ZBTB7C: variants seen among roughly 807,000 people sequenced by gnomAD.
ZBTB7C encodes the protein zinc finger and BTB domain-containing protein 7C.
ZBTB7C carries 8 observed loss-of-function variants against 25.7 expected under a neutral mutation model. The ratio of observed to expected loss-of-function variants is 0.31; its 90% CI spans 0.18 to 0.56. The LOEUF (loss-of-function observed/expected upper bound fraction) is 0.56, where lower values mean the gene tolerates loss of function less well. Among genes scored for constraint, ZBTB7C ranks in the 20% least tolerant of loss-of-function variants. The pLI is 0.91. For missense variants in ZBTB7C, 824 were observed against 855.2 expected, an observed-to-expected ratio of 0.96 and a Z score of 0.46; for synonymous variants, 394 against 369.0, an observed-to-expected ratio of 1.07 and a Z score of -0.78.
intron 3 of ZBTB7C, among the ~76,000 whole-genome samples, chr18:48,089,832 A>G (rs2038343323): frequency 6.6e-6 from 1 of 152,240 alleles, no homozygotes; most frequent in Non-Finnish European, 1.5e-5. Context: ...GCTGTGGCTT[A>G]ATTAATCAGA....
intron 2 of ZBTB7C, among the ~76,000 whole-genome samples, chr18:48,229,329 A>G (rs566229217): frequency 7.6e-4 from 115 of 152,280 alleles, no homozygotes; most frequent in Admixed American, 1.4e-3. Context: ...CCCAAGATTT[A>G]CCTTGATGGA....
At chr18:48,126,858 C>T (rs1176825562) in intron 3 of ZBTB7C, among the ~76,000 whole-genome samples, 1 of 152,098 alleles carries the variant, frequency 6.6e-6, no homozygotes, top group Non-Finnish European at 1.5e-5. Flanking sequence ...ACCTTTCCGC[C>T]TGGGCCCAGG....
chr18:48,393,022 T>C (rs1400353460), intron 1 of ZBTB7C, among the ~76,000 whole-genome samples: 2 of 152,250 alleles, frequency 1.3e-5, no homozygotes, highest in Non-Finnish European at 2.9e-5. Flanking sequence ...GAAATTCGCT[T>C]CAGCACTGTC....
chr18:48,151,055 A>T (rs571908760), intron 3 of ZBTB7C, among the ~76,000 whole-genome samples: 2 of 152,322 alleles, frequency 1.3e-5, no homozygotes, highest in South Asian at 4.2e-4. Context: ...GCCGATATGG[A>T]AGAAGCAGTG....
At chr18:48,387,560 C>T (rs2047777698) in intron 1 of ZBTB7C, among the ~76,000 whole-genome samples, 1 of 152,198 alleles carries the variant, frequency 6.6e-6, no homozygotes, top group Non-Finnish European at 1.5e-5. Flanking sequence ...AGTTGCAAAA[C>T]AGATGAATTT....
chr18:48,064,584 T>C (rs2037249089), intron 3 of ZBTB7C, among the ~76,000 whole-genome samples: 2 of 151,888 alleles, frequency 1.3e-5, no homozygotes, highest in South Asian at 2.1e-4. Context: ...TTCTACAAAA[T>C]ATACAAAAAT....
chr18:48,341,686 G>A (rs1350058022), intron 1 of ZBTB7C, among the ~76,000 whole-genome samples: 1 of 152,212 alleles, frequency 6.6e-6, no homozygotes, highest in African/African-American at 2.4e-5. Flanking sequence ...TTACCTTAGA[G>A]GCCTACTATT....
At chr18:48,166,953 G>A (rs768554246) in intron 3 of ZBTB7C, among the ~76,000 whole-genome samples, 2 of 152,054 alleles carry the variant, frequency 1.3e-5, no homozygotes, top group Non-Finnish European at 2.9e-5. Context: ...CCCAGGAAGA[G>A]GCCTCTTCCT....
At chr18:48,193,894 C>A (rs2042258109) in intron 2 of ZBTB7C, among the ~76,000 whole-genome samples, 1 of 152,200 alleles carries the variant, frequency 6.6e-6, no homozygotes, top group African/African-American at 2.4e-5. Flanking sequence ...CTACTCCCTG[C>A]CACCTAGCCA....
chr18:48,098,885 T>C (rs1380987793), intron 3 of ZBTB7C, among the ~76,000 whole-genome samples: 1 of 152,208 alleles, frequency 6.6e-6, no homozygotes, highest in African/African-American at 2.4e-5. Context: ...TGCTGCCATC[T>C]TGCCACTTTG....
intron 2 of ZBTB7C, among the ~76,000 whole-genome samples, chr18:48,201,903 C>T (rs1425135989): frequency 2.6e-5 from 4 of 152,226 alleles, no homozygotes. Context: ...CATCTGGACT[C>T]CACTATATTA....
chr18:48,286,592 A>T (rs1598784342), intron 2 of ZBTB7C, among the ~76,000 whole-genome samples: 4 of 152,308 alleles, frequency 2.6e-5, no homozygotes, highest in Admixed American at 2.6e-4. Context: ...AGTTGATAAA[A>T]ATACAAAGAG....
intron 3 of ZBTB7C, among the ~76,000 whole-genome samples, chr18:48,066,317 G>C (rs1347523969): frequency 6.6e-6 from 1 of 152,220 alleles, no homozygotes; most frequent in African/African-American, 2.4e-5. Context: ...CAGAGGATCT[G>C]TACACCCCAC....
intron 2 of ZBTB7C, among the ~76,000 whole-genome samples, chr18:48,329,440 T>C (rs1174335732): frequency 6.6e-6 from 1 of 152,200 alleles, no homozygotes; most frequent in Non-Finnish European, 1.5e-5. Context: ...CATGCCACAC[T>C]CTGCTGAGGG....
At chr18:48,220,445 A>T (rs1413089462) in intron 2 of ZBTB7C, among the ~76,000 whole-genome samples, 1 of 152,134 alleles carries the variant, frequency 6.6e-6, no homozygotes, top group African/African-American at 2.4e-5. Flanking sequence ...GCCTCTAGGG[A>T]ACAAATACTT....
intron 2 of ZBTB7C, among the ~76,000 whole-genome samples, chr18:48,211,634 G>A (rs2042704589): frequency 6.6e-6 from 1 of 152,108 alleles, no homozygotes; most frequent in Non-Finnish European, 1.5e-5. Flanking sequence ...AAAACAACAA[G>A]GAGACACTAC....
chr18:48,126,545 C>T (rs1256387132), intron 3 of ZBTB7C, among the ~76,000 whole-genome samples: 4 of 152,242 alleles, frequency 2.6e-5, no homozygotes, highest in East Asian at 1.9e-4. Flanking sequence ...TTCTAGCTCC[C>T]CGGGGGAGAT....
chr18:48,167,597 T>TGTGTGTGTGTGC (rs779870966), intron 3 of ZBTB7C, among the ~76,000 whole-genome samples: 141 of 148,156 alleles, frequency 9.5e-4, no homozygotes, highest in African/African-American at 3.2e-3. Context: ...TGTGTGTGTG[T>TGTGTGTGTGTGC]GCGCGCGTGC....
intron 1 of ZBTB7C, among the ~76,000 whole-genome samples, chr18:48,398,320 GT>G (rs907468499): frequency 1.6e-4 from 25 of 152,236 alleles, no homozygotes; most frequent in African/African-American, 5.1e-4. Context: ...GAGAGAAAGA[GT>G]TTTGCTTACC....
Sources: gnomAD v4.1 joint callset for allele counts (sites outside exome capture counted in the v4.1 genomes callset) on GRCh38, gnomAD v4.1.1 for gene constraint, MANE v1.5 for transcripts, NCBI Gene and HGNC (gene_info 2026-07-23, HGNC 2026-07-21) for gene names.